Variants in RPL27A observed in about 807,000 individuals in gnomAD.
RPL27A encodes the protein large ribosomal subunit protein uL15.
For synonymous variants in RPL27A, 69 were observed against 68.3 expected, an observed-to-expected ratio of 1.01 and a Z score of -0.05; for missense variants, 118 against 189.4, an observed-to-expected ratio of 0.62 and a Z score of 2.21.
chr11:8,685,488 A>G (rs1447783324), intron 4 of RPL27A, 190 bp from the exon 5 acceptor site: 1 of 740,898 alleles, frequency 1.3e-6, no homozygotes, highest in South Asian at 1.4e-5. Flanking sequence ...GGTGTGCTAG[A>G]GTACTCGAAG....
At chr11:8,685,341 G>T (rs1442661605) in intron 4 of RPL27A, 1 of 542,804 alleles carries the variant, frequency 1.8e-6, no homozygotes, top group Non-Finnish European at 3.6e-6. Context: ...TCACTTCCCA[G>T]CCTATTTAAT....
Position 8,687,510 on chromosome 11 carries a change from C to A in RPL27A, c.*1704C>A, listed in dbSNP as rs1236287087. On this transcript the variant is annotated 3_prime_UTR_variant, in exon 5 of 5. Transcript: ENST00000314138. The stretch of plus-strand genomic sequence containing the variant: ...GTAGTTCATGATGAATTAAAAGACT[C>A]AATATTTGGTCTTCACCCAATACCT... 1 of 151,924 alleles carries A rather than the reference C, an allele frequency of 6.6e-6. No individual in the cohort carries two copies. The highest frequency in any genetic ancestry group is 2.4e-5 in the African/African-American group (1 of 41,402). The allele number at this position is 151,924 out of a possible 1,614,324, so 9.4% of individuals were successfully genotyped here.
At chr11:8,685,447 TAG>T in intron 4 of RPL27A, 1 of 693,924 alleles carries the variant, frequency 1.4e-6, no homozygotes, top group Non-Finnish European at 2.7e-6. Flanking sequence ...TTGCCGAGAC[TAG>T]AGTCACATCC....
rs2039584760 is a variant in RPL27A at position 8,686,109 on chromosome 11, G to A, written c.*303G>A. The A allele has an allele frequency of 7.3e-6, 2 of 272,324 alleles. No homozygotes were observed. Among genetic ancestry groups the A allele is most frequent in the Admixed American group, 4.7e-5 (1 of 21,178 alleles). The allele number at this position is 272,324 out of a possible 1,614,324, so 16.9% of individuals were successfully genotyped here. A position where few individuals can be genotyped will look rare whatever the true frequency, so the allele number is the denominator to read the frequency against. The stretch of plus-strand genomic sequence containing the variant: ...GTGAATGAGAGAATGTACCCTAATT[G>A]TTCAACAGGGCTCAAAAGGAAAGAT... On this transcript the variant is annotated 3_prime_UTR_variant, in exon 5 of 5. Coordinates refer to ENST00000314138, the MANE Select transcript of RPL27A (RefSeq NM_000990.5).
In RPL27A at chr11:8,688,675, C is replaced by A. The variant is rs566021155; in HGVS notation, c.*2869C>A. On this transcript the variant is annotated 3_prime_UTR_variant, in exon 5 of 5. Coordinates refer to ENST00000314138, the MANE Select transcript of RPL27A (RefSeq NM_000990.5). ...CGTTCAAACGTGGGAGCTGCAGGTG[C>A]AACTTGATTTTATGACAAATGGCTG... 2 of 152,336 alleles carry A rather than the reference C, an allele frequency of 1.3e-5. No homozygotes were observed. The highest frequency in any genetic ancestry group is 4.8e-5 in the African/African-American group (2 of 41,582). 9.4% of individuals were successfully genotyped at this position (152,336 alleles called of 1,614,324 possible).
rs776850608 is a variant in RPL27A at position 8,683,255 on chromosome 11, C to G, written c.57C>G (p.His19Gln). The G allele has an allele frequency of 3.7e-6, 6 of 1,614,078 alleles. No homozygotes were observed. Among genetic ancestry groups the G allele is most frequent in the East Asian group, 4.5e-5 (2 of 44,900 alleles). Residue 19 changes from histidine to glutamine, a missense_variant, in exon 2 of 5, where the codon CAC becomes CAG. His to Gln is a conservative substitution (Grantham distance 24). Coordinates refer to ENST00000314138, the MANE Select transcript of RPL27A (RefSeq NM_000990.5). ...TTAGGGGCCACGTGAGCCACGGCCA[C>G]GGCCGCATAGGTAAGTGCCGGCTTC... The part of the protein sequence containing the change: ...RKLRGHVSHG[H>Q]GRIGKHRKHP...
chr11:8,685,584 G>A (rs769500516), intron 4 of RPL27A, 94 bp from the exon 5 acceptor site: 12 of 1,391,612 alleles, frequency 8.6e-6, no homozygotes, highest in Admixed American at 3.4e-5. Context: ...CCTGCCTAGG[G>A]ATTTAGAAAG....
At position 8,686,675 on chromosome 11, in the gene RPL27A, T is replaced by A. The variant is rs957881986; in HGVS notation, c.*869T>A. 2.0e-5 allele frequency: 3 copies of A among 152,218 alleles called. No homozygotes were observed. Among genetic ancestry groups the A allele is most frequent in the Non-Finnish European group, 4.4e-5 (3 of 68,040 alleles). The allele number at this position is 152,218 out of a possible 1,614,324, so 9.4% of individuals were successfully genotyped here. On this transcript the variant is annotated 3_prime_UTR_variant, in exon 5 of 5. Transcript: ENST00000314138. ...TGGGTTTGAAATAGTTAATTTTTCT[T>A]CTAGTCTGAAATGTATCGGGAAAAT...
intron 4 of RPL27A, 63 bp from the exon 5 acceptor site, chr11:8,685,615 A>AC (rs2039579829): frequency 6.3e-7 from 1 of 1,583,138 alleles, no homozygotes. Context: ...GTCTTTCCTC[A>AC]CGCCCATCAC....
rs935706324 is a variant in RPL27A at position 8,685,992 on chromosome 11, A to G, written c.*186A>G. The G allele has an allele frequency of 8.6e-6, 5 of 584,212 alleles. No individual in the cohort carries two copies. Among genetic ancestry groups the G allele is most frequent in the Non-Finnish European group, 1.5e-5 (5 of 329,878 alleles). The allele number at this position is 584,212 out of a possible 1,614,324, so 36.2% of individuals were successfully genotyped here. ...TATGGTAAACGTAAGACCAACACAGACGTTGGCCAGTTAAACATTTCTGTT... is the reference window on the plus strand; with the variant it reads ...TATGGTAAACGTAAGACCAACACAGGCGTTGGCCAGTTAAACATTTCTGTT... On this transcript the variant is annotated 3_prime_UTR_variant, in exon 5 of 5. Transcript: ENST00000314138.
intron 3 of RPL27A, 112 bp downstream of exon 3, chr11:8,684,193 C>A: frequency 5.7e-6 from 5 of 883,204 alleles, no homozygotes; most frequent in East Asian, 2.4e-5. Context: ...TGTTTTTTAC[C>A]AAGTTAACAC....
At position 8,686,468 on chromosome 11, in the gene RPL27A, T is replaced by G. The variant is rs540935427; in HGVS notation, c.*662T>G. ...CTGGTCTCTAACTCCTAACCTCAAG[T>G]GATCTGCCCACATCGGCCTCCAAAA... On this transcript the variant is annotated 3_prime_UTR_variant, in exon 5 of 5. Transcript: ENST00000314138. 6.6e-6 allele frequency: 1 copy of G among 152,362 alleles called. No homozygotes were observed. The highest frequency in any genetic ancestry group is 1.5e-5 in the Non-Finnish European group (1 of 68,088). 9.4% of individuals were successfully genotyped at this position (152,362 alleles called of 1,614,324 possible).
In RPL27A at chr11:8,685,861, G is replaced by A. The variant is rs972928005; in HGVS notation, c.*55G>A. The A allele has an allele frequency of 8.8e-6, 14 of 1,582,612 alleles. No individual in the cohort carries two copies. The highest frequency in any genetic ancestry group is 8.4e-5 in the Admixed American group (5 of 59,204). ...TAACTACTTTTTCCTTGTGGTGTGA[G>A]TGTAGGTTCTTCAGTGGCACCTCTA... On this transcript the variant is annotated 3_prime_UTR_variant, in exon 5 of 5. Coordinates refer to ENST00000314138, the MANE Select transcript of RPL27A (RefSeq NM_000990.5).
chr11:8,682,851 C>T (rs189117738), intron 1 of RPL27A, 35 bp downstream of exon 1: 10 of 1,604,586 alleles, frequency 6.2e-6, no homozygotes, highest in South Asian at 5.6e-5. Context: ...TCTTCCTTGC[C>T]GGCGGAGACC....
rs2039599146 is a variant in RPL27A, at chr11:8,687,585, G to A, written c.*1779G>A. 1 of 152,250 alleles carries A rather than the reference G, an allele frequency of 6.6e-6. No homozygotes were observed. Among genetic ancestry groups the A allele is most frequent in the Non-Finnish European group, 1.5e-5 (1 of 68,046 alleles). 9.4% of individuals were successfully genotyped at this position (152,250 alleles called of 1,614,324 possible). ...TCATCTTTAAAATTTCAGTGAAAGT[G>A]CCTACCTGAGGATTGTGTAGATTAA... On this transcript the variant is annotated 3_prime_UTR_variant, in exon 5 of 5. Coordinates refer to ENST00000314138, the MANE Select transcript of RPL27A (RefSeq NM_000990.5).
At chr11:8,685,614 C>T in intron 4 of RPL27A, 64 bp from the exon 5 acceptor site, 1 of 1,579,772 alleles carries the variant, frequency 6.3e-7, no homozygotes, top group Non-Finnish European at 8.7e-7. Context: ...AGTCTTTCCT[C>T]ACGCCCATCA....
intron 4 of RPL27A, 176 bp downstream of exon 4, chr11:8,685,068 C>T: frequency 1.5e-6 from 1 of 669,266 alleles, no homozygotes; most frequent in Non-Finnish European, 2.6e-6. Flanking sequence ...CTGTCACTGC[C>T]CAGGTTGTAT....
chr11:8,685,942 G>A lies in RPL27A; in HGVS notation c.*136G>A. 1 of 751,766 alleles carries A rather than the reference G, an allele frequency of 1.3e-6. No individual in the cohort carries two copies. Among genetic ancestry groups the A allele is most frequent in the South Asian group, 1.8e-5 (1 of 54,748 alleles). 46.6% of individuals were successfully genotyped at this position (751,766 alleles called of 1,614,324 possible). On this transcript the variant is annotated 3_prime_UTR_variant, in exon 5 of 5. Transcript: ENST00000314138. ...AGTACTTAGGGTATGAAGACATGGG[G>A]TCCTCTCCTGACTTCCCTCAAATAT...
intron 2 of RPL27A, chr11:8,683,689 T>TTG (rs1298778509): frequency 4.1e-6 from 2 of 482,192 alleles, no homozygotes; most frequent in South Asian, 2.1e-5. Flanking sequence ...TGTAGCTTTT[T>TTG]TGTGTGTGTG....
Sources: allele counts gnomAD v4.1 joint callset, GRCh38; gene constraint gnomAD v4.1.1; transcripts MANE v1.5; gene names NCBI Gene and HGNC (gene_info 2026-07-23, HGNC 2026-07-21).